ITPR1: variants seen among roughly 807,000 people sequenced by gnomAD.
ITPR1 encodes the protein inositol 1,4,5-trisphosphate-gated calcium channel ITPR1.
In ITPR1, 96 loss-of-function variants were observed where a neutral mutation model predicts 318.4. The ratio of observed to expected loss-of-function variants is 0.30; its 90% CI spans 0.26 to 0.36. The LOEUF (loss-of-function observed/expected upper bound fraction) is 0.36, where lower values mean the gene tolerates loss of function less well. Ranked by LOEUF, ITPR1 falls within the 10% of genes least tolerant of loss-of-function variation. The pLI, the probability that ITPR1 is intolerant of heterozygous loss-of-function variation, is 1.00. For synonymous variants in ITPR1, 1,312 were observed against 1,289.9 expected, an observed-to-expected ratio of 1.02 and a Z score of -0.37; for missense variants, 2,440 against 3,460.2, an observed-to-expected ratio of 0.71 and a Z score of 7.40.
In ITPR1 at chr3:4,782,676, A is replaced by G; in HGVS notation, c.6445A>G (p.Asn2149Asp). 1 of 1,604,280 alleles carries G rather than the reference A, an allele frequency of 6.2e-7. No homozygotes were observed. The highest frequency in any genetic ancestry group is 8.5e-7 in the Non-Finnish European group (1 of 1,174,774). The change falls in exon 50 of 62, where the codon AAC becomes GAC. Residue 2149 changes from asparagine to aspartate, a missense_variant. By Grantham distance (23) the Asn-to-Asp change is conservative (BLOSUM62 1). Around this residue, in one of 23 missense-constraint regions of ITPR1, gnomAD observed 49 missense variants for 47.2 expected, o/e 1.04. Coordinates refer to ENST00000649015, the MANE Select transcript of ITPR1 (RefSeq NM_001378452.1). ...TGAAGTGGAATTTGAGGATGGAGAA[A>G]ACGGTGAGGATGGGGCGGCGTCCCC... ...QGEVEFEDGE[N>D]GEDGAASPRN...
chr3:4,501,312 C>T (rs2081006255), intron 2 of ITPR1, among the ~76,000 whole-genome samples: 1 of 152,174 alleles, frequency 6.6e-6, no homozygotes, highest in South Asian at 2.1e-4. Context: ...AGTTTTCTTA[C>T]TCTGAGCTGC....
At chr3:4,665,691 G>C (rs2093931371) in intron 17 of ITPR1, among the ~76,000 whole-genome samples, 1 of 151,640 alleles carries the variant, frequency 6.6e-6, no homozygotes, top group African/African-American at 2.4e-5. Flanking sequence ...TCTTTATTTT[G>C]TTTCTGATTC....
intron 52 of ITPR1, among the ~76,000 whole-genome samples, chr3:4,794,359 T>C (rs1320244229): frequency 1.3e-5 from 2 of 152,206 alleles, no homozygotes; most frequent in Admixed American, 1.3e-4. Context: ...ATGGCTTTGC[T>C]GCCACATCCT....
At chr3:4,716,604 A>G (rs1417522950) in intron 39 of ITPR1, among the ~76,000 whole-genome samples, 3 of 152,230 alleles carry the variant, frequency 2.0e-5, no homozygotes, top group Non-Finnish European at 2.9e-5. Context: ...CCAGCTGAGT[A>G]AAGTATTAAC....
chr3:4,784,003 C>A, intron 51 of ITPR1, 83 bp downstream of exon 51: 1 of 919,946 alleles, frequency 1.1e-6, no homozygotes, highest in Non-Finnish European at 1.7e-6. Context: ...GGCGTGCATT[C>A]ATTCATCTGA....
intron 4 of ITPR1, among the ~76,000 whole-genome samples, chr3:4,581,630 A>G (rs2089351673): frequency 6.6e-6 from 1 of 152,348 alleles, no homozygotes; most frequent in South Asian, 2.1e-4. Context: ...ACTCCACTGT[A>G]TAAAGTGCTA....
chr3:4,754,375 T>C (rs1360805380), intron 44 of ITPR1, among the ~76,000 whole-genome samples: 1 of 152,194 alleles, frequency 6.6e-6, no homozygotes, highest in Admixed American at 6.5e-5. Flanking sequence ...ACCTCTTGCA[T>C]CTGTCTTTTC....
chr3:4,701,087 G>C (rs565585448), intron 35 of ITPR1, among the ~76,000 whole-genome samples: 105 of 152,278 alleles, frequency 6.9e-4, no homozygotes, highest in Middle Eastern at 6.8e-3. Flanking sequence ...TGCCTGTTGC[G>C]TTTGGATGGT....
chr3:4,678,937 A>T (rs1383626230), intron 24 of ITPR1, among the ~76,000 whole-genome samples: 1 of 152,192 alleles, frequency 6.6e-6, no homozygotes, highest in Admixed American at 6.5e-5. Context: ...TAAAATGCTA[A>T]GGCTTATTCT....
chr3:4,808,640 A>G (rs369423138), intron 55 of ITPR1, among the ~76,000 whole-genome samples: 1 of 152,232 alleles, frequency 6.6e-6, no homozygotes, highest in African/African-American at 2.4e-5. Context: ...TTTGGTATCA[A>G]AGCAGTACTC....
At chr3:4,743,299 G>C (rs1345075581) in intron 44 of ITPR1, among the ~76,000 whole-genome samples, 1 of 152,216 alleles carries the variant, frequency 6.6e-6, no homozygotes, top group Admixed American at 6.5e-5. Context: ...TCTAAATCCA[G>C]GTCTTAAGGA....
At chr3:4,822,824 C>G (rs188886904) in intron 60 of ITPR1, among the ~76,000 whole-genome samples, 20 of 152,266 alleles carry the variant, frequency 1.3e-4, no homozygotes, top group African/African-American at 3.4e-4. Context: ...GGGCCCTGGA[C>G]AAGCCTGGGC....
At position 4,824,677 on chromosome 3, in the gene ITPR1, G is replaced by C. The variant is rs543084334; in HGVS notation, c.8028+6435G>C. Among the ~76,000 whole-genome samples the C allele has an allele frequency of 3.7e-4, 57 of 152,312 alleles. No homozygotes were observed. In the South Asian group the frequency reaches 0.011, roughly 30 times the overall value. ...TGCAGGAAAGGCCCCTCTGCGGGTA[G>C]AGAGGAGAGTGGGAAAGAGGATCTC... On this transcript the variant is annotated intron_variant, in intron 60 of 61. Coordinates refer to ENST00000649015, the MANE Select transcript of ITPR1 (RefSeq NM_001378452.1).
At chr3:4,683,888 G>C in intron 28 of ITPR1, 90 bp downstream of exon 28, 2 of 1,164,746 alleles carry the variant, frequency 1.7e-6, no homozygotes, top group South Asian at 1.5e-5. Flanking sequence ...GTATAAATGT[G>C]ATAGGATTTA....
intron 40 of ITPR1, among the ~76,000 whole-genome samples, chr3:4,723,228 C>G (rs547579951): frequency 2.0e-5 from 3 of 152,316 alleles, no homozygotes; most frequent in African/African-American, 7.2e-5. Flanking sequence ...CAGAGAGGTT[C>G]AGTGACTGGC....
At chr3:4,693,329 C>G (rs2094508501) in intron 32 of ITPR1, among the ~76,000 whole-genome samples, 161 bp from the exon 33 acceptor site, 1 of 152,106 alleles carries the variant, frequency 6.6e-6, no homozygotes. Flanking sequence ...CTGAAGATTT[C>G]TAGTTGTTCA....
chr3:4,840,526 A>G (rs573413516), intron 61 of ITPR1, among the ~76,000 whole-genome samples: 1 of 152,190 alleles, frequency 6.6e-6, no homozygotes, highest in Non-Finnish European at 1.5e-5. Flanking sequence ...TCGAGCAACG[A>G]TAGCTTAAAT....
intron 40 of ITPR1, among the ~76,000 whole-genome samples, chr3:4,719,973 C>T (rs1346159729): frequency 2.6e-5 from 4 of 152,130 alleles, no homozygotes; most frequent in African/African-American, 9.7e-5. Flanking sequence ...ACCTTCCGCT[C>T]AGAGCTGGGT....
rs145394901 is a variant in ITPR1, at chr3:4,756,828, T to C, written c.5545-9702T>C. Among the ~76,000 whole-genome samples, 598 of 152,366 alleles carry C rather than the reference T, an allele frequency of 3.9e-3. 4 individuals are homozygous for C. Among genetic ancestry groups the C allele is most frequent in the African/African-American group, 0.014 (579 of 41,592 alleles). On this transcript the variant is annotated intron_variant, in intron 44 of 61. Coordinates refer to ENST00000649015, the MANE Select transcript of ITPR1 (RefSeq NM_001378452.1). Reference sequence around the variant, plus strand: ...AAGTTGGACACTAGTCTTTGGCCATTTATGTAACACCCAGCTCTTTTCTGG... The same window carrying C: ...AAGTTGGACACTAGTCTTTGGCCATCTATGTAACACCCAGCTCTTTTCTGG...
Sources: allele counts gnomAD v4.1 joint callset (sites outside exome capture counted in the v4.1 genomes callset), GRCh38; gene constraint gnomAD v4.1.1; regional missense constraint gnomAD v4.1.1; transcripts MANE v1.5; gene names NCBI Gene and HGNC (gene_info 2026-07-23, HGNC 2026-07-21).